Variants in EPHA7 observed in about 807,000 individuals in gnomAD.
EPHA7 encodes the protein ephrin type-A receptor 7.
Under a neutral mutation model 112.6 loss-of-function variants are expected in EPHA7, and 25 were observed. The observed-to-expected ratio is 0.22, with a 90% CI of 0.16 to 0.31. The LOEUF is 0.31. Among genes scored for constraint, EPHA7 ranks in the 10% least tolerant of loss-of-function variants. EPHA7 has a pLI of 1.00. For missense variants in EPHA7, 962 were observed against 1,212.6 expected, an observed-to-expected ratio of 0.79 and a Z score of 3.07; for synonymous variants, 437 against 406.5, an observed-to-expected ratio of 1.07 and a Z score of -0.90.
intron 5 of EPHA7, among the ~76,000 whole-genome samples, chr6:93,306,723 C>T (rs1773276733): frequency 6.6e-6 from 1 of 151,938 alleles, no homozygotes; most frequent in African/African-American, 2.4e-5. Flanking sequence ...GTAAATAATA[C>T]ATCTCCTATA....
chr6:93,324,681 C>T (rs941126913), intron 5 of EPHA7, among the ~76,000 whole-genome samples: 1 of 151,440 alleles, frequency 6.6e-6, no homozygotes, highest in African/African-American at 2.4e-5. Flanking sequence ...TTCTTTGAGA[C>T]TGCAGAAACA....
chr6:93,311,602 C>T (rs966434710), intron 5 of EPHA7, among the ~76,000 whole-genome samples: 14 of 152,080 alleles, frequency 9.2e-5, no homozygotes, highest in Admixed American at 2.6e-4. Context: ...GAACCCCTCA[C>T]CATCATCCAC....
chr6:93,263,236 T>C (rs932234474), intron 9 of EPHA7, among the ~76,000 whole-genome samples: 5 of 151,420 alleles, frequency 3.3e-5, no homozygotes, highest in South Asian at 2.1e-4. Context: ...CTTGTTTCAT[T>C]GCAACAAGAA....
intron 3 of EPHA7, among the ~76,000 whole-genome samples, chr6:93,374,753 G>C (rs1426111937): frequency 1.3e-5 from 2 of 152,124 alleles, no homozygotes; most frequent in African/African-American, 4.8e-5. Context: ...ATAGGAAACT[G>C]CCTTGGTTTC....
intron 5 of EPHA7, among the ~76,000 whole-genome samples, chr6:93,291,506 C>A (rs1002837922): frequency 6.6e-6 from 1 of 151,978 alleles, no homozygotes; most frequent in Admixed American, 6.5e-5. Context: ...CGGTGGCTCA[C>A]GCCTGTAATC....
chr6:93,380,304 A>T (rs1197276230), intron 3 of EPHA7, among the ~76,000 whole-genome samples: 2 of 152,112 alleles, frequency 1.3e-5, no homozygotes, highest in African/African-American at 4.8e-5. Flanking sequence ...AAACTGTTAA[A>T]GGCATGAAAT....
At chr6:93,327,183 G>A (rs940311786) in intron 5 of EPHA7, among the ~76,000 whole-genome samples, 3 of 151,488 alleles carry the variant, frequency 2.0e-5, no homozygotes, top group African/African-American at 7.3e-5. Context: ...CCAAAGTTCA[G>A]TTCTCACTCC....
intron 3 of EPHA7, among the ~76,000 whole-genome samples, chr6:93,399,274 G>A (rs971296507): frequency 6.6e-6 from 1 of 152,028 alleles, no homozygotes; most frequent in Non-Finnish European, 1.5e-5. Context: ...CAGAAACTTA[G>A]AGGTATATAA....
At chr6:93,264,800 T>C (rs1770852792) in intron 7 of EPHA7, 98 bp from the exon 8 acceptor site, 3 of 549,534 alleles carry the variant, frequency 5.5e-6, no homozygotes, top group Admixed American at 8.0e-5. Flanking sequence ...TAATTCTTTA[T>C]AATTTTAAAT....
chr6:93,414,508 A>G (rs1373214013), intron 2 of EPHA7, among the ~76,000 whole-genome samples, 195 bp downstream of exon 2: 2 of 151,610 alleles, frequency 1.3e-5, no homozygotes, highest in Non-Finnish European at 3.0e-5. Context: ...TTTTTTTTCC[A>G]TTTCCCCAAG....
intron 16 of EPHA7, among the ~76,000 whole-genome samples, 188 bp from the exon 17 acceptor site, chr6:93,243,728 G>A (rs1769784742): frequency 6.6e-6 from 1 of 151,946 alleles, no homozygotes; most frequent in South Asian, 2.1e-4. Flanking sequence ...ATTCTCCTTT[G>A]TAAAAACCTA....
chr6:93,339,463 T>A (rs1381386103), intron 5 of EPHA7, among the ~76,000 whole-genome samples: 1 of 151,826 alleles, frequency 6.6e-6, no homozygotes, highest in Non-Finnish European at 1.5e-5. Flanking sequence ...CACTAACTCA[T>A]AACTGAATGA....
chr6:93,285,732 C>T (rs1312878352), intron 5 of EPHA7, among the ~76,000 whole-genome samples: 1 of 152,200 alleles, frequency 6.6e-6, no homozygotes, highest in East Asian at 1.9e-4. Flanking sequence ...CCTTCTCTTG[C>T]CACATATGAA....
chr6:93,397,059 T>C (rs949098985), intron 3 of EPHA7, among the ~76,000 whole-genome samples: 1 of 151,722 alleles, frequency 6.6e-6, no homozygotes, highest in South Asian at 2.1e-4. Flanking sequence ...AAAATAACTA[T>C]CAATGAAAAT....
At chr6:93,414,841 T>A (rs1779147840) in intron 1 of EPHA7, 74 bp from the exon 2 acceptor site, 1 of 1,163,374 alleles carries the variant, frequency 8.6e-7, no homozygotes, top group South Asian at 1.3e-5. Flanking sequence ...TTAAGGTGAA[T>A]CTTTTCATAT....
At chr6:93,283,921 G>C (rs1771918382) in intron 5 of EPHA7, among the ~76,000 whole-genome samples, 1 of 152,106 alleles carries the variant, frequency 6.6e-6, no homozygotes, top group African/African-American at 2.4e-5. Flanking sequence ...ACAATTTAAA[G>C]TTTTGGAAAT....
chr6:93,358,302 A>C lies in EPHA7; in HGVS notation c.942T>G (p.Asp314Glu). ...KEGSSRCECE[D>E]GYYRAPSDPP... is the part of the protein sequence containing the mutation. ...GGTCAGATGGAGCCCTGTAATACCCATCTTCACATTCACATCTGGAGGAGC... is the reference window on the plus strand; with the variant it reads ...GGTCAGATGGAGCCCTGTAATACCCCTCTTCACATTCACATCTGGAGGAGC... The change falls in exon 4 of 17, where the codon GAT becomes GAG. Residue 314 changes from aspartate (D) to glutamate (E), a missense_variant. Around this residue, in one of 3 missense-constraint regions of EPHA7, gnomAD observed 746 missense variants for 889.2 expected, o/e 0.84. Transcript: ENST00000369303. 1 of 1,613,716 alleles carries C rather than the reference A, an allele frequency of 6.2e-7. No individual in the cohort carries two copies. Among genetic ancestry groups the C allele is most frequent in the African/African-American group, 1.3e-5 (1 of 75,008 alleles).
intron 7 of EPHA7, among the ~76,000 whole-genome samples, chr6:93,267,761 C>A (rs1444714876): frequency 1.3e-5 from 2 of 151,664 alleles, no homozygotes; most frequent in African/African-American, 4.8e-5. Context: ...ATCTATGAAT[C>A]TCAGCACACA....
At chr6:93,351,392 A>G (rs1562116568) in intron 5 of EPHA7, among the ~76,000 whole-genome samples, 1 of 151,960 alleles carries the variant, frequency 6.6e-6, no homozygotes, top group Non-Finnish European at 1.5e-5. Flanking sequence ...CATGCACGCT[A>G]ATCTCCATAT....
Sources: gnomAD v4.1 joint callset for allele counts (sites outside exome capture counted in the v4.1 genomes callset) on GRCh38, gnomAD v4.1.1 for gene constraint, gnomAD v4.1.1 regional missense constraint, MANE v1.5 for transcripts, NCBI Gene and HGNC (gene_info 2026-07-23, HGNC 2026-07-21) for gene names.